The following RNF13 variants were observed in gnomAD, a reference collection of about 807,000 sequenced individuals.
RNF13 encodes the protein E3 ubiquitin-protein ligase RNF13.
Under a neutral mutation model 37.7 loss-of-function variants are expected in RNF13, and 19 were observed. The observed-to-expected ratio is 0.50, with a 90% confidence interval of 0.35 to 0.74. The LOEUF is 0.74. RNF13 is among the 30% of genes least tolerant of loss of function. The pLI is 0.01. For missense variants in RNF13, 375 were observed against 453.0 expected, an observed-to-expected ratio of 0.83 and a Z score of 1.56; for synonymous variants, 144 against 157.8, an observed-to-expected ratio of 0.91 and a Z score of 0.65.
At chr3:149,904,622 C>A (rs187428228) in intron 6 of RNF13, among the ~76,000 whole-genome samples, 73 of 152,200 alleles carry the variant, frequency 4.8e-4, no homozygotes, top group African/African-American at 1.8e-3. Flanking sequence ...CAGAGTTTGG[C>A]GATTGCTCCC....
chr3:149,833,615 C>T (rs1015918124), intron 1 of RNF13, among the ~76,000 whole-genome samples: 1 of 152,134 alleles, frequency 6.6e-6, no homozygotes, highest in Admixed American at 6.5e-5. Context: ...AAGGAGACTA[C>T]CTCAGAATAA....
At chr3:149,945,994 C>G (rs1037636212) in intron 8 of RNF13, among the ~76,000 whole-genome samples, 7 of 152,172 alleles carry the variant, frequency 4.6e-5, no homozygotes, top group Admixed American at 2.6e-4. Context: ...GCTGAAAATT[C>G]TAAAAATCAG....
intron 8 of RNF13, among the ~76,000 whole-genome samples, chr3:149,938,665 A>AT (rs547238188): frequency 3.8e-4 from 57 of 151,158 alleles, no homozygotes; most frequent in Non-Finnish European, 7.5e-4. Context: ...ATGTGTCTTA[A>AT]TTTTTTTTTA....
At chr3:149,941,594 C>A (rs1720286318) in intron 8 of RNF13, among the ~76,000 whole-genome samples, 1 of 149,810 alleles carries the variant, frequency 6.7e-6, no homozygotes, top group East Asian at 2.0e-4. Context: ...TGGATATTAA[C>A]CCCAAATCAG....
intron 4 of RNF13, among the ~76,000 whole-genome samples, chr3:149,877,052 T>A (rs947669044): frequency 7.9e-5 from 12 of 152,116 alleles, no homozygotes; most frequent in African/African-American, 2.9e-4. Context: ...AGTGCAGGGA[T>A]TACAGGCGTG....
Position 149,912,051 on chromosome 3 carries a change from G to A in RNF13, c.574G>A (p.Gly192Ser), listed in dbSNP as rs1449627176. Residue 192 changes from glycine (G) to serine (S), a missense_variant, in exon 7 of 10, where the codon GGC becomes AGC. By Grantham distance (56) the Gly-to-Ser change is moderately conservative. Transcript: ENST00000392894. ...CCTAATTCCCTTCCTTATCATAGTG[G>A]GCATCTGTCTCATCTTGATAGTCAT... ...YYLIPFLIIVGICLILIVIFM... is the reference protein window; with the variant it reads ...YYLIPFLIIVSICLILIVIFM... The A allele has an allele frequency of 1.9e-6, 3 of 1,581,652 alleles. No individual in the cohort carries two copies. The highest frequency in any genetic ancestry group is 1.7e-6 in the Non-Finnish European group (2 of 1,152,220).
intron 4 of RNF13, among the ~76,000 whole-genome samples, chr3:149,894,124 T>C (rs772511371): frequency 6.6e-6 from 1 of 152,206 alleles, no homozygotes. Flanking sequence ...AAACAAAGTA[T>C]TAATTTCTTG....
chr3:149,912,670 T>A (rs975466076), intron 7 of RNF13, among the ~76,000 whole-genome samples: 1 of 152,104 alleles, frequency 6.6e-6, no homozygotes, highest in Non-Finnish European at 1.5e-5. Flanking sequence ...ATTATAAAAT[T>A]CAACTCTTCT....
chr3:149,821,244 C>G (rs545971862), intron 1 of RNF13, among the ~76,000 whole-genome samples: 1 of 152,182 alleles, frequency 6.6e-6, no homozygotes, highest in African/African-American at 2.4e-5. Context: ...TGCCAAACTG[C>G]TTTCCACAGT....
chr3:149,915,371 C>G (rs1278529524), intron 7 of RNF13, among the ~76,000 whole-genome samples: 3 of 152,104 alleles, frequency 2.0e-5, no homozygotes, highest in Admixed American at 6.5e-5. Flanking sequence ...ATGGGGCCAC[C>G]TTGACATCAA....
chr3:149,931,177 C>T (rs192948206), intron 8 of RNF13, among the ~76,000 whole-genome samples: 77 of 152,194 alleles, frequency 5.1e-4, no homozygotes, highest in African/African-American at 1.8e-3. Context: ...AACCCTTCCA[C>T]CTCAGCCTTC....
At chr3:149,909,883 A>T (rs1045954626) in intron 6 of RNF13, among the ~76,000 whole-genome samples, 1 of 151,860 alleles carries the variant, frequency 6.6e-6, no homozygotes, top group Non-Finnish European at 1.5e-5. Flanking sequence ...GGCTTGTCTC[A>T]TAGGACAGGA....
At chr3:149,921,546 G>A (rs1053669514) in intron 8 of RNF13, among the ~76,000 whole-genome samples, 18 of 151,982 alleles carry the variant, frequency 1.2e-4, no homozygotes, top group African/African-American at 3.1e-4. Context: ...GTGAGAACAC[G>A]CAGTGTTTGG....
At chr3:149,901,554 TC>T (rs1715842669) in intron 5 of RNF13, among the ~76,000 whole-genome samples, 1 of 152,218 alleles carries the variant, frequency 6.6e-6, no homozygotes, top group African/African-American at 2.4e-5. Context: ...CCTGCCCTAT[TC>T]CCTTTCTCAA....
intron 1 of RNF13, among the ~76,000 whole-genome samples, chr3:149,825,820 T>C (rs1179400570): frequency 6.6e-6 from 1 of 152,188 alleles, no homozygotes; most frequent in Non-Finnish European, 1.5e-5. Context: ...TACATAAAAG[T>C]GTATACTTTG....
chr3:149,849,220 A>G (rs1421895059), intron 2 of RNF13, among the ~76,000 whole-genome samples: 2 of 152,230 alleles, frequency 1.3e-5, no homozygotes, highest in Admixed American at 6.5e-5. Context: ...CACAAGTGAC[A>G]TGTTAGTTTT....
Position 149,881,533 on chromosome 3 carries a change from G to A in RNF13, c.321+9379G>A, listed in dbSNP as rs979325156. ...TTTAGTAGAGATGGGGTTTCACCAC[G>A]TTGTCCAGGCTGGCCTCGAACCCCT... On this transcript the variant is annotated intron_variant, in intron 4 of 9. Transcript: ENST00000392894. 3.3e-5 allele frequency among the ~76,000 whole-genome samples: 5 copies of A among 151,992 alleles called. 1 individual carries two copies. Among genetic ancestry groups the A allele is most frequent in the Admixed American group, 1.3e-4 (2 of 15,240 alleles).
intron 9 of RNF13, among the ~76,000 whole-genome samples, chr3:149,960,381 G>A (rs565002646): frequency 6.6e-6 from 1 of 152,178 alleles, no homozygotes; most frequent in Admixed American, 6.5e-5. Context: ...CATGAGGTCA[G>A]GAGATCGAGA....
At position 149,872,083 on chromosome 3, in the gene RNF13, C is replaced by A; in HGVS notation, c.250C>A (p.Pro84Thr). The stretch of plus-strand genomic sequence containing the variant: ...TGCCTGTGAACCCATAGTGCCTCCA[C>A]CAGTAAAAGACAATTCATCTGGCAC... ...ENACEPIVPP[P>T]VKDNSSGTFI... Residue 84 changes from proline (P) to threonine (T), a missense_variant, in exon 4 of 10, where the codon CCA (proline) becomes ACA (threonine). Coordinates refer to ENST00000392894, the MANE Select transcript of RNF13 (RefSeq NM_183381.3). 6.2e-7 allele frequency: 1 copy of A among 1,606,452 alleles called. No homozygotes were observed. The highest frequency in any genetic ancestry group is 8.5e-7 in the Non-Finnish European group (1 of 1,175,798).
Sources: gnomAD v4.1 joint callset for allele counts (sites outside exome capture counted in the v4.1 genomes callset) on GRCh38, gnomAD v4.1.1 for gene constraint, MANE v1.5 for transcripts, NCBI Gene and HGNC (gene_info 2026-07-23, HGNC 2026-07-21) for gene names.